The following ELOC variants were observed in gnomAD, a reference collection of about 807,000 sequenced individuals.
The protein encoded by ELOC is elongin-C.
For synonymous variants in ELOC, 40 were observed against 51.3 expected, an observed-to-expected ratio of 0.78 and a Z score of 0.94; for missense variants, 38 against 139.0, an observed-to-expected ratio of 0.27 and a Z score of 3.65.
chr8:73,963,532 T>C (rs569914070), intron 1 of ELOC, among the ~76,000 whole-genome samples: 1 of 152,342 alleles, frequency 6.6e-6, no homozygotes, highest in East Asian at 1.9e-4. Flanking sequence ...CCGTCATTTT[T>C]TTTGCAGAAC....
intron 1 of ELOC, among the ~76,000 whole-genome samples, chr8:73,966,613 A>C (rs1199039962): frequency 6.6e-6 from 1 of 151,270 alleles, no homozygotes; most frequent in African/African-American, 2.4e-5. Flanking sequence ...CTTCCTGAGT[A>C]GCCTGCTACC....
intron 1 of ELOC, among the ~76,000 whole-genome samples, chr8:73,969,298 CA>C (rs1815201749): frequency 6.6e-6 from 1 of 152,098 alleles, no homozygotes; most frequent in African/African-American, 2.4e-5. Context: ...ATTCGTTATT[CA>C]AAAAACATTT....
intron 3 of ELOC, among the ~76,000 whole-genome samples, chr8:73,949,549 ACTC>A: frequency 6.6e-6 from 1 of 152,086 alleles, no homozygotes; most frequent in Admixed American, 6.6e-5. Flanking sequence ...TTAAGCAGTT[ACTC>A]CTCATCTTCC....
chr8:73,971,014 CAG>C (rs1426938777), intron 1 of ELOC, among the ~76,000 whole-genome samples: 1 of 111,488 alleles, frequency 9.0e-6, no homozygotes, highest in Non-Finnish European at 1.7e-5. Flanking sequence ...AGCCTCAGGA[CAG>C]AGCGAGACTC....
At chr8:73,950,838 C>CT (rs1401720644) in intron 3 of ELOC, among the ~76,000 whole-genome samples, 1 of 152,186 alleles carries the variant, frequency 6.6e-6, no homozygotes, top group African/African-American at 2.4e-5. Context: ...GACCTTGCTT[C>CT]TCTGTAAAAT....
At chr8:73,948,213 A>G (rs1813512703) in intron 3 of ELOC, among the ~76,000 whole-genome samples, 1 of 151,562 alleles carries the variant, frequency 6.6e-6, no homozygotes, top group Non-Finnish European at 1.5e-5. Flanking sequence ...AAAAGATAGT[A>G]CTTGAGATTC....
At chr8:73,969,454 T>A (rs919056494) in intron 1 of ELOC, 1 of 152,252 alleles carries the variant, frequency 6.6e-6, no homozygotes, top group Non-Finnish European at 1.5e-5. Flanking sequence ...TTGATTTACT[T>A]CCCTACTTAC....
intron 3 of ELOC, among the ~76,000 whole-genome samples, chr8:73,955,184 G>T (rs922489795): frequency 2.0e-5 from 3 of 152,014 alleles, no homozygotes; most frequent in African/African-American, 7.2e-5. Flanking sequence ...TCATGCAAAA[G>T]GCCAGGCATG....
intron 2 of ELOC, among the ~76,000 whole-genome samples, chr8:73,958,311 A>G (rs1814348019): frequency 6.6e-6 from 1 of 152,054 alleles, no homozygotes; most frequent in Non-Finnish European, 1.5e-5. Context: ...CTTGTAATAA[A>G]TATTCATCTA....
chr8:73,953,673 CCAAAAAA>C (rs1292226189), intron 3 of ELOC, among the ~76,000 whole-genome samples: 2 of 149,552 alleles, frequency 1.3e-5, no homozygotes, highest in Non-Finnish European at 1.5e-5. Flanking sequence ...AAAAAAAAAA[CCAAAAAA>C]CAAAAAACAA....
At chr8:73,965,150 A>G (rs1220768490) in intron 1 of ELOC, among the ~76,000 whole-genome samples, 6 of 152,118 alleles carry the variant, frequency 3.9e-5, no homozygotes, top group Non-Finnish European at 5.9e-5. Flanking sequence ...ATTTGCATCT[A>G]GAGTAAATTA....
intron 1 of ELOC, among the ~76,000 whole-genome samples, chr8:73,964,918 T>C (rs1472132107): frequency 6.6e-6 from 1 of 151,308 alleles, no homozygotes; most frequent in African/African-American, 2.4e-5. Flanking sequence ...CCCAAGGTAT[T>C]TGGGAGGCTG....
chr8:73,960,829 G>A (rs1814538888), intron 1 of ELOC, among the ~76,000 whole-genome samples: 1 of 152,114 alleles, frequency 6.6e-6, no homozygotes, highest in African/African-American at 2.4e-5. Flanking sequence ...AAAAAAGACA[G>A]GGCTGGGTGC....
chr8:73,968,392 TTC>T (rs1219445453), intron 1 of ELOC, among the ~76,000 whole-genome samples: 1 of 152,224 alleles, frequency 6.6e-6, no homozygotes, highest in Non-Finnish European at 1.5e-5. Flanking sequence ...GCGCTGCATG[TTC>T]TGAGTCTGTC....
At chr8:73,967,048 TGAA>T (rs1257934756) in intron 1 of ELOC, among the ~76,000 whole-genome samples, 3 of 152,200 alleles carry the variant, frequency 2.0e-5, no homozygotes, top group Non-Finnish European at 2.9e-5. Flanking sequence ...AGAGCTGTTC[TGAA>T]GAATAAATGG....
chr8:73,957,346 A>G (rs1329158802), intron 2 of ELOC, among the ~76,000 whole-genome samples: 1 of 152,200 alleles, frequency 6.6e-6, no homozygotes, highest in Non-Finnish European at 1.5e-5. Context: ...CTTCAGTCAC[A>G]GTAGCCAGAT....
chr8:73,957,938 C>A (rs1043999359), intron 2 of ELOC, among the ~76,000 whole-genome samples: 1 of 151,950 alleles, frequency 6.6e-6, no homozygotes, highest in African/African-American at 2.4e-5. Flanking sequence ...ACCACCACGG[C>A]TGGCTAATTT....
At chr8:73,950,696 G>A (rs559160364) in intron 3 of ELOC, among the ~76,000 whole-genome samples, 1 of 152,124 alleles carries the variant, frequency 6.6e-6, no homozygotes, top group Non-Finnish European at 1.5e-5. Flanking sequence ...AGGAATACAA[G>A]AGTGCTACCT....
chr8:73,966,208 T>C (rs557070663), intron 1 of ELOC, among the ~76,000 whole-genome samples: 55 of 152,126 alleles, frequency 3.6e-4, no homozygotes, highest in African/African-American at 1.3e-3. Context: ...GGAAGAATGG[T>C]GGGGACAGAA....
Sources: gnomAD v4.1 joint callset for allele counts (sites outside exome capture counted in the v4.1 genomes callset) on GRCh38, gnomAD v4.1.1 for gene constraint, MANE v1.5 for transcripts, NCBI Gene and HGNC (gene_info 2026-07-23, HGNC 2026-07-21) for gene names.